GCC2: variants seen among roughly 807,000 people sequenced by gnomAD.
The protein encoded by GCC2 is GRIP and coiled-coil domain-containing protein 2.
GCC2 carries 120 observed loss-of-function variants against 210.6 expected under a neutral mutation model. The ratio of observed to expected loss-of-function variants is 0.57; its 90% CI spans 0.49 to 0.66. GCC2 has a LOEUF of 0.66. Ranked by LOEUF, GCC2 falls within the 30% of genes least tolerant of loss-of-function variation. GCC2 has a pLI of 0.00. For missense variants in GCC2, 1,868 were observed against 1,871.9 expected (o/e 1.00, Z 0.04); for synonymous variants, 703 against 652.7 (o/e 1.08, Z -1.17).
chr2:108,462,146 G>A (rs1279799828), intron 4 of GCC2, among the ~76,000 whole-genome samples: 3 of 145,714 alleles, frequency 2.1e-5, no homozygotes, highest in Non-Finnish European at 1.5e-5. Flanking sequence ...CACTAAATAG[G>A]TTTTCTAATC....
In GCC2 at chr2:108,469,577, T is replaced by C. The variant is rs147242602; in HGVS notation, c.322-74T>C. ...CTTTTCTCTCTACTTAGCTTGTGGC[T>C]AATATTTTTCCTAAGGTCAGAGGCT... On this transcript the variant is annotated intron_variant, in intron 5 of 22. Transcript: ENST00000309863. 4.7e-4 allele frequency: 474 copies of C among 1,014,794 alleles called. 1 individual carries two copies. The African/African-American group carries it at 5.7e-3, about 12-fold the overall frequency. The allele number at this position is 1,014,794 out of a possible 1,614,324, so 62.9% of individuals were successfully genotyped here. A position where few individuals can be genotyped will look rare whatever the true frequency, so the allele number is the denominator to read the frequency against.
At chr2:108,473,197 C>A in intron 7 of GCC2, 1 of 263,202 alleles carries the variant, frequency 3.8e-6, no homozygotes, top group Non-Finnish European at 7.1e-6. Context: ...TATTCTAGAC[C>A]CTGGTGATAG....
chr2:108,504,613 C>T (rs930877804), intron 22 of GCC2, among the ~76,000 whole-genome samples: 5 of 152,174 alleles, frequency 3.3e-5, no homozygotes, highest in Non-Finnish European at 7.3e-5. Context: ...TAAAACTCAG[C>T]ATATTTCACA....
At chr2:108,453,788 A>T (rs1031536177) in intron 4 of GCC2, among the ~76,000 whole-genome samples, 3 of 129,188 alleles carry the variant, frequency 2.3e-5, no homozygotes, top group Non-Finnish European at 3.5e-5. Context: ...CCGTTTTTAA[A>T]AAAAAAAAAA....
At position 108,449,241 on chromosome 2, in the gene GCC2, C is replaced by T. The variant is rs1679756150; in HGVS notation, c.-34C>T. The T allele has an allele frequency of 3.9e-6, 6 of 1,546,384 alleles. No homozygotes were observed. Among genetic ancestry groups the T allele is most frequent in the Non-Finnish European group, 5.2e-6 (6 of 1,143,012 alleles). Reference sequence around the variant, plus strand: ...GCAAACAGAAGTGCAGCGGTGGCGGCGGCTGGTTGCGGGCCGGCGGCGGGC... The same window carrying T: ...GCAAACAGAAGTGCAGCGGTGGCGGTGGCTGGTTGCGGGCCGGCGGCGGGC... On this transcript the variant is annotated 5_prime_UTR_variant, in exon 1 of 23. Transcript: ENST00000309863.
At chr2:108,493,182 C>T (rs1346102222) in intron 19 of GCC2, 2 of 253,158 alleles carry the variant, frequency 7.9e-6, no homozygotes, top group African/African-American at 2.2e-5. Flanking sequence ...CTCCACCTCC[C>T]GAGTTCAGGC....
At position 108,492,646 on chromosome 2, in the gene GCC2, C is replaced by T. The variant is rs1041395116; in HGVS notation, c.4303C>T (p.Gln1435Ter). 1 of 1,613,752 alleles carries T rather than the reference C, an allele frequency of 6.2e-7. No individual in the cohort carries two copies. The change falls in exon 19 of 23, where the codon CAG becomes TAG. Residue 1435 changes from glutamine to a stop codon, truncating the protein, a stop_gained. Transcript: ENST00000309863. LOFTEE classifies it high-confidence loss of function. ...ACAGACTGTGAGTCAGCTAACATCCCAGAACGAGGTCCTTCGAAATAGCTT... is the reference window on the plus strand; with the variant it reads ...ACAGACTGTGAGTCAGCTAACATCCTAGAACGAGGTCCTTCGAAATAGCTT... ...HTQTVSQLTS[Q>*]NEVLRNSFRD...
At chr2:108,464,274 G>C (rs188621835) in intron 4 of GCC2, among the ~76,000 whole-genome samples, 7 of 152,296 alleles carry the variant, frequency 4.6e-5, no homozygotes, top group Admixed American at 2.0e-4. Flanking sequence ...AGTGGAATTT[G>C]TCCTCAGGGT....
At chr2:108,462,378 C>G (rs888990685) in intron 4 of GCC2, among the ~76,000 whole-genome samples, 3 of 144,818 alleles carry the variant, frequency 2.1e-5, no homozygotes, top group African/African-American at 7.5e-5. Context: ...CCTGTAGTCC[C>G]AGCTACTCAG....
In GCC2 at chr2:108,497,084, A is replaced by G. The variant is rs375902750; in HGVS notation, c.4757A>G (p.Asn1586Ser). Residue 1586 changes from asparagine to serine, a missense_variant, in exon 21 of 23, where the codon AAT (asparagine) becomes AGT (serine). By Grantham distance (46) the Asn-to-Ser change is conservative. Around this residue, in one of 3 missense-constraint regions of GCC2, gnomAD observed 1,847 missense variants for 1,765.2 expected, o/e 1.05. Transcript: ENST00000309863. ...CTGCTTCGGGAAACAGAAGCAACCA[A>G]TGCAATTCTTATGGAGCAAATTAAG... The part of the protein sequence containing the change: ...NGLLRETEAT[N>S]AILMEQIKLL... The G allele has an allele frequency of 8.7e-6, 14 of 1,611,902 alleles. No homozygotes were observed. The highest frequency in any genetic ancestry group is 1.7e-5 in the Admixed American group (1 of 59,994).
At chr2:108,481,937 C>T in intron 10 of GCC2, 121 bp downstream of exon 10, 1 of 663,202 alleles carries the variant, frequency 1.5e-6, no homozygotes, top group Non-Finnish European at 2.5e-6. Context: ...CCCCACTTTA[C>T]CCTCCTTCCC....
At chr2:108,476,141 C>A (rs2104463704) in intron 9 of GCC2, among the ~76,000 whole-genome samples, 1 of 149,878 alleles carries the variant, frequency 6.7e-6, no homozygotes, top group South Asian at 2.1e-4. Flanking sequence ...GCTCACTGCA[C>A]CCTCTGCCCC....
At chr2:108,477,478 A>G (rs1208126444) in intron 9 of GCC2, among the ~76,000 whole-genome samples, 1 of 152,190 alleles carries the variant, frequency 6.6e-6, no homozygotes, top group Non-Finnish European at 1.5e-5. Context: ...TCACAGAACA[A>G]GTAACAGAGC....
chr2:108,473,207 G>C, intron 7 of GCC2: 1 of 248,028 alleles, frequency 4.0e-6, no homozygotes, highest in Non-Finnish European at 7.6e-6. Context: ...CCTGGTGATA[G>C]AAAAGTGGTT....
Position 108,470,245 on chromosome 2 carries a change from AC to A in GCC2, c.918del (p.Ser307GlnfsTer20). 1 of 1,613,536 alleles carries A rather than the reference AC, an allele frequency of 6.2e-7. No homozygotes were observed. On this transcript the variant is annotated frameshift_variant, in exon 6 of 23. Transcript: ENST00000309863. LOFTEE classifies it high-confidence loss of function. ...TGAGTTAGAAAATTTAAGGAAAGCC[AC>A]CTCAAATGCAAACCAAGACAATCAG... is the stretch of plus-strand genomic sequence containing the variant. ...ECELENLRKA[T>X]SNANQDNQIC...
chr2:108,462,419 G>T (rs1404737252), intron 4 of GCC2, among the ~76,000 whole-genome samples: 13 of 148,428 alleles, frequency 8.8e-5, no homozygotes, highest in African/African-American at 1.2e-4. Flanking sequence ...GCGTGAACCC[G>T]GGAGGCAGAG....
In GCC2 at chr2:108,507,664, G is replaced by A. The variant is rs762879219; in HGVS notation, c.*34G>A. 17 of 1,408,456 alleles carry A rather than the reference G, an allele frequency of 1.2e-5. No individual in the cohort carries two copies. The highest frequency in any genetic ancestry group is 3.7e-5 in the South Asian group (3 of 81,904). 87.2% of individuals were successfully genotyped at this position (1,408,456 alleles called of 1,614,324 possible). A position where few individuals can be genotyped will look rare whatever the true frequency, so the allele number is the denominator to read the frequency against. On this transcript the variant is annotated 3_prime_UTR_variant, in exon 23 of 23. Coordinates refer to ENST00000309863, the MANE Select transcript of GCC2 (RefSeq NM_181453.4). ...AAGGAATATTTTTATTAACCAAATAGAATCTATTTACAAAAATGGTTCACG... is the reference window on the plus strand; with the variant it reads ...AAGGAATATTTTTATTAACCAAATAAAATCTATTTACAAAAATGGTTCACG...
At chr2:108,476,310 G>T (rs1023114421) in intron 9 of GCC2, among the ~76,000 whole-genome samples, 1 of 151,794 alleles carries the variant, frequency 6.6e-6, no homozygotes, top group South Asian at 2.1e-4. Flanking sequence ...CACCTACCTC[G>T]GCCTCCCAAA....
Position 108,470,624 on chromosome 2 carries a change from A to G in GCC2, c.1295A>G (p.Gln432Arg). 6.2e-7 allele frequency: 1 copy of G among 1,612,480 alleles called. No homozygotes were observed. Among genetic ancestry groups the G allele is most frequent in the Non-Finnish European group, 8.5e-7 (1 of 1,179,010 alleles). Residue 432 changes from glutamine (Q) to arginine (R), a missense_variant, in exon 6 of 23, where the codon CAA becomes CGA. Gln to Arg is a conservative substitution (Grantham distance 43). Around this residue, in one of 3 missense-constraint regions of GCC2, gnomAD observed 1,847 missense variants for 1,765.2 expected, o/e 1.05. Coordinates refer to ENST00000309863, the MANE Select transcript of GCC2 (RefSeq NM_181453.4). ...AGAGAAGTACAGAGTCTTAAGGAAC[A>G]ACATCAAAAAGAAATATCAGAACTA... ...HNREVQSLKE[Q>R]HQKEISELNE... is the part of the protein sequence containing the mutation.
Sources: allele counts gnomAD v4.1 joint callset (sites outside exome capture counted in the v4.1 genomes callset), GRCh38; gene constraint gnomAD v4.1.1; regional missense constraint gnomAD v4.1.1; transcripts MANE v1.5; gene names NCBI Gene and HGNC (gene_info 2026-07-23, HGNC 2026-07-21).